AGBL4: variants seen among roughly 807,000 people sequenced by gnomAD.
AGBL4 encodes the protein AGBL carboxypeptidase 4.
Under a neutral mutation model 66.4 loss-of-function variants are expected in AGBL4, and 58 were observed. The ratio of observed to expected loss-of-function variants is 0.87; its 90% CI spans 0.71 to 1.09. The LOEUF (loss-of-function observed/expected upper bound fraction) is 1.09. AGBL4 is among the 50% of genes least tolerant of loss of function. The probability of loss-of-function intolerance (pLI) is 0.00; values close to 1 mark genes in which losing one functional copy is unlikely to be tolerated. For synonymous variants in AGBL4, 234 were observed against 222.9 expected, an observed-to-expected ratio of 1.05 and a Z score of -0.44; for missense variants, 579 against 631.0, an observed-to-expected ratio of 0.92 and a Z score of 0.88.
rs200044395 is a variant in AGBL4, at chr1:49,785,884, GAA to G, written c.157+65510_157+65511del. Among the ~76,000 whole-genome samples the G allele has an allele frequency of 7.6e-3, 1,020 of 134,328 alleles. 8 individuals carry two copies. The highest frequency in any genetic ancestry group is 0.01 in the Non-Finnish European group (643 of 63,718). 88.1% of individuals were successfully genotyped at this position (134,328 alleles called of 152,430 possible). A position where few individuals can be genotyped will look rare whatever the true frequency, so the allele number is the denominator to read the frequency against. On this transcript the variant is annotated intron_variant, in intron 2 of 13. Coordinates refer to ENST00000371839, the MANE Select transcript of AGBL4 (RefSeq NM_032785.4). ...TTTCAGAGTACATGAGAAATCCCAGGAAAAAAAAAATATATATATATATATAT... is the reference window on the plus strand; with the variant it reads ...TTTCAGAGTACATGAGAAATCCCAGGAAAAAAAATATATATATATATATAT...
At chr1:49,365,505 T>G (rs1234190496) in intron 3 of AGBL4, among the ~76,000 whole-genome samples, 1 of 150,882 alleles carries the variant, frequency 6.6e-6, no homozygotes, top group East Asian at 1.9e-4. Flanking sequence ...TAAATAATAA[T>G]TTATAATAAT....
Position 49,850,849 on chromosome 1 carries a change from G to A in AGBL4, c.157+547C>T, listed in dbSNP as rs543033800. 3.0e-4 allele frequency among the ~76,000 whole-genome samples: 46 copies of A among 152,066 alleles called. 1 individual carries two copies. The highest frequency in any genetic ancestry group is 9.6e-4 in the African/African-American group (40 of 41,488). On this transcript the variant is annotated intron_variant, in intron 2 of 13. Coordinates refer to ENST00000371839, the MANE Select transcript of AGBL4 (RefSeq NM_032785.4). ...AGAGCATGAGGCTCAGAACATCAAG[G>A]GCTAAAGAAGACCTAGTCCCTACTG...
chr1:49,643,722 A>G (rs1229568281), intron 3 of AGBL4, among the ~76,000 whole-genome samples: 1 of 151,688 alleles, frequency 6.6e-6, no homozygotes, highest in Non-Finnish European at 1.5e-5. Flanking sequence ...AGAATTCTAT[A>G]TCCAGTAAAA....
At chr1:49,296,633 G>T (rs1209949025) in intron 3 of AGBL4, among the ~76,000 whole-genome samples, 1 of 152,164 alleles carries the variant, frequency 6.6e-6, no homozygotes, top group East Asian at 1.9e-4. Context: ...AAAGGTCATA[G>T]CCCTGAAAAG....
intron 5 of AGBL4, among the ~76,000 whole-genome samples, chr1:49,041,049 A>C (rs1643928412): frequency 1.3e-5 from 2 of 152,048 alleles, no homozygotes; most frequent in Non-Finnish European, 2.9e-5. Context: ...AGTAGGTTTA[A>C]AAGGGGCTAC....
At position 48,587,071 on chromosome 1, in the gene AGBL4, T is replaced by A. The variant is rs1644834058; in HGVS notation, c.1200A>T (p.Leu400=). 2.1e-5 allele frequency: 34 copies of A among 1,604,234 alleles called. No homozygotes were observed. Among genetic ancestry groups the A allele is most frequent in the Non-Finnish European group, 2.8e-5 (33 of 1,175,640 alleles). The change falls in exon 11 of 14, where the codon CTA becomes CTT. Residue 400 remains leucine, a synonymous_variant. Coordinates refer to ENST00000371839, the MANE Select transcript of AGBL4 (RefSeq NM_032785.4). The stretch of plus-strand genomic sequence containing the variant: ...TGATGTAGCTGTAGAAGGAGACCTC[T>A]AGGGTGTAGCAATAGGAAGTGTGGT... ...LLDHTSYCYT[L]EVSFYSYIIS...
At chr1:49,399,270 A>C (rs187030836) in intron 3 of AGBL4, among the ~76,000 whole-genome samples, 5 of 152,238 alleles carry the variant, frequency 3.3e-5, no homozygotes, top group Admixed American at 2.6e-4. Flanking sequence ...GTTGCTTCCA[A>C]ATCTTAGCTA....
intron 6 of AGBL4, among the ~76,000 whole-genome samples, chr1:48,843,065 C>T (rs1177290957): frequency 9.2e-5 from 14 of 151,902 alleles, no homozygotes; most frequent in African/African-American, 2.4e-5. Context: ...TGTAGAATTT[C>T]GATTTTGCAA....
intron 5 of AGBL4, among the ~76,000 whole-genome samples, chr1:49,027,389 C>T (rs1253727815): frequency 6.6e-6 from 1 of 152,070 alleles, no homozygotes; most frequent in African/African-American, 2.4e-5. Flanking sequence ...TCTCAAACTC[C>T]TGACCTCAGG....
chr1:48,866,822 T>C (rs1648139057), intron 6 of AGBL4, among the ~76,000 whole-genome samples: 1 of 152,168 alleles, frequency 6.6e-6, no homozygotes, highest in African/African-American at 2.4e-5. Flanking sequence ...CTTCATTCTA[T>C]GGCACCTTCC....
chr1:48,586,768 A>G (rs968953294), intron 11 of AGBL4: 8 of 503,024 alleles, frequency 1.6e-5, no homozygotes, highest in African/African-American at 1.4e-4. Context: ...TGGGCAGGCC[A>G]TGGGTCCGGC....
At chr1:49,537,878 G>A (rs1651724440) in intron 3 of AGBL4, among the ~76,000 whole-genome samples, 1 of 150,740 alleles carries the variant, frequency 6.6e-6, no homozygotes, top group Non-Finnish European at 1.5e-5. Context: ...AGTGAGCCAA[G>A]AAAGCGCCAC....
intron 11 of AGBL4, chr1:48,584,629 T>C (rs1644790058): frequency 6.6e-6 from 1 of 152,514 alleles, no homozygotes; most frequent in Non-Finnish European, 1.5e-5. Context: ...GGCAGGGGAA[T>C]CGCTTGAACC....
rs375203663 is a variant in AGBL4, at chr1:49,424,156, T to C, written c.283-178292A>G. On this transcript the variant is annotated intron_variant, in intron 3 of 13. Coordinates refer to ENST00000371839, the MANE Select transcript of AGBL4 (RefSeq NM_032785.4). ...AAGACACTAAGAGAACCAAGATCTA[T>C]GAGATACATTTCCAACCTATGTCCA... Among the ~76,000 whole-genome samples the C allele has an allele frequency of 5.9e-5, 9 of 152,280 alleles. No homozygotes were observed. The South Asian group carries it at 8.3e-4, about 14-fold the overall frequency.
intron 3 of AGBL4, among the ~76,000 whole-genome samples, chr1:49,293,530 C>G (rs532231928): frequency 6.6e-6 from 1 of 152,116 alleles, no homozygotes; most frequent in South Asian, 2.1e-4. Context: ...ATATGGTAGT[C>G]TCCAATAAAA....
chr1:49,401,132 C>T (rs538859812), intron 3 of AGBL4, among the ~76,000 whole-genome samples: 2 of 152,304 alleles, frequency 1.3e-5, no homozygotes, highest in East Asian at 3.9e-4. Context: ...GTTTAATTCA[C>T]TCACGTTCCA....
At chr1:48,621,510 A>G (rs1394805886) in intron 9 of AGBL4, among the ~76,000 whole-genome samples, 1 of 152,208 alleles carries the variant, frequency 6.6e-6, no homozygotes, top group African/African-American at 2.4e-5. Flanking sequence ...AATTGTTGGA[A>G]AGTATAAAAA....
chr1:48,770,238 T>G (rs1644745566), intron 6 of AGBL4, among the ~76,000 whole-genome samples: 1 of 152,236 alleles, frequency 6.6e-6, no homozygotes. Flanking sequence ...AAATCTTTTC[T>G]TTTCCTGCTT....
At chr1:49,288,839 G>A (rs751243296) in intron 3 of AGBL4, among the ~76,000 whole-genome samples, 3 of 152,118 alleles carry the variant, frequency 2.0e-5, no homozygotes, top group African/African-American at 7.2e-5. Flanking sequence ...ATTCAACCTC[G>A]ACTGGATAAA....
Sources: allele counts gnomAD v4.1 joint callset (sites outside exome capture counted in the v4.1 genomes callset), GRCh38; gene constraint gnomAD v4.1.1; transcripts MANE v1.5; gene names NCBI Gene and HGNC (gene_info 2026-07-23, HGNC 2026-07-21).